RUNX2: variants seen among roughly 807,000 people sequenced by gnomAD.
RUNX2 encodes the protein runt-related transcription factor 2.
RUNX2 carries 10 observed loss-of-function variants against 51.7 expected under a neutral mutation model. That is an observed-to-expected ratio of 0.19 (90% confidence interval 0.12 to 0.33). The LOEUF is 0.33. Among genes scored for constraint, RUNX2 ranks in the 10% least tolerant of loss-of-function variants. RUNX2 has a pLI of 1.00. For missense variants in RUNX2, 562 were observed against 691.3 expected, an observed-to-expected ratio of 0.81 and a Z score of 2.10; for synonymous variants, 276 against 273.6, an observed-to-expected ratio of 1.01 and a Z score of -0.09.
At chr6:45,499,737 A>G (rs756667503) in intron 6 of RUNX2, among the ~76,000 whole-genome samples, 1 of 152,174 alleles carries the variant, frequency 6.6e-6, no homozygotes, top group Admixed American at 6.5e-5. Context: ...GTTAACACTT[A>G]GTTGTGATAA....
chr6:45,353,509 T>C (rs1002575757), intron 2 of RUNX2, among the ~76,000 whole-genome samples: 77 of 152,188 alleles, frequency 5.1e-4, no homozygotes, highest in Non-Finnish European at 1.1e-3. Flanking sequence ...AAAGGTAGTA[T>C]TTCAATTCTG....
chr6:45,519,760 T>C (rs928741665), intron 7 of RUNX2, among the ~76,000 whole-genome samples: 5 of 150,410 alleles, frequency 3.3e-5, no homozygotes, highest in Admixed American at 6.7e-5. Context: ...TTGCATTCCA[T>C]TGGAAGGATG....
chr6:45,431,221 C>G (rs12203052), intron 3 of RUNX2, among the ~76,000 whole-genome samples: 25,911 of 152,076 alleles, frequency 0.17, 2,727 homozygotes, highest in Non-Finnish European at 0.25. Flanking sequence ...TCTTATTTAT[C>G]ATCAATTATT....
intron 6 of RUNX2, among the ~76,000 whole-genome samples, chr6:45,510,307 A>C (rs1300322544): frequency 2.0e-5 from 3 of 152,238 alleles, no homozygotes; most frequent in African/African-American, 7.2e-5. Context: ...TTCAAATTGC[A>C]AACTCAGGTA....
intron 2 of RUNX2, among the ~76,000 whole-genome samples, chr6:45,335,736 G>A (rs1262233076): frequency 2.6e-5 from 4 of 151,136 alleles, no homozygotes; most frequent in African/African-American, 9.7e-5. Context: ...AAGACACCAT[G>A]AAGTAATCTA....
chr6:45,537,228 C>A (rs192704211), intron 7 of RUNX2, among the ~76,000 whole-genome samples: 6 of 152,172 alleles, frequency 3.9e-5, no homozygotes, highest in Non-Finnish European at 7.4e-5. Flanking sequence ...TGAGTGCATG[C>A]GTCTGCCTCC....
Position 45,328,781 on chromosome 6 carries a change from TG to T in RUNX2, c.58+1del. Reference protein sequence around the residue: ...TVTPCQQNFFWDPSTSRRFSP... With the variant: ...TVTPCQQNFFXDPSTSRRFSP... ...GACACCATGTCAGCAAAACTTCTTTTGGGGTAAGTGTTACCATTTTTAAAAT... is the reference window on the plus strand; with the variant it reads ...GACACCATGTCAGCAAAACTTCTTTTGGGTAAGTGTTACCATTTTTAAAAT... On this transcript the variant is annotated frameshift_variant and splice_region_variant, in exon 2 of 9. Coordinates refer to ENST00000647337, the MANE Select transcript of RUNX2 (RefSeq NM_001024630.4). LOFTEE classifies it high-confidence loss of function. 6.2e-7 allele frequency: 1 copy of T among 1,612,028 alleles called. No individual in the cohort carries two copies. The highest frequency in any genetic ancestry group is 8.5e-7 in the Non-Finnish European group (1 of 1,178,578).
chr6:45,527,658 A>G (rs903442304), intron 7 of RUNX2, among the ~76,000 whole-genome samples: 2 of 152,190 alleles, frequency 1.3e-5, no homozygotes, highest in Admixed American at 1.3e-4. Flanking sequence ...GAGTTACTTG[A>G]TTTATTAAAC....
At chr6:45,473,754 C>T (rs1379469850) in intron 5 of RUNX2, among the ~76,000 whole-genome samples, 1 of 152,156 alleles carries the variant, frequency 6.6e-6, no homozygotes, top group Non-Finnish European at 1.5e-5. Flanking sequence ...CTGTTAAAAC[C>T]ATATGGCACT....
intron 5 of RUNX2, among the ~76,000 whole-genome samples, chr6:45,447,330 G>A (rs1799031577): frequency 6.6e-6 from 1 of 152,180 alleles, no homozygotes; most frequent in African/African-American, 2.4e-5. Context: ...ACTCTTAAGA[G>A]TGCAAGATTT....
intron 5 of RUNX2, among the ~76,000 whole-genome samples, chr6:45,486,677 G>T (rs1325285411): frequency 1.3e-5 from 2 of 152,214 alleles, no homozygotes; most frequent in Admixed American, 6.5e-5. Flanking sequence ...TTTTGTAAGT[G>T]CATTTTGACA....
chr6:45,422,783 TGCG>T lies in RUNX2; in HGVS notation c.258_260del (p.Ala89del). ...CGGCGGCTGCGGCGGCGGCGGCGGCTGCGGCGGCGGCAGCTGCAGTGCCCCGGT... is the reference window on the plus strand; with the variant it reads ...CGGCGGCTGCGGCGGCGGCGGCGGCTGCGGCGGCAGCTGCAGTGCCCCGGT... On this transcript the variant is annotated inframe_deletion, in exon 3 of 9. Coordinates refer to ENST00000647337, the MANE Select transcript of RUNX2 (RefSeq NM_001024630.4). The T allele has an allele frequency of 1.4e-6, 2 of 1,429,582 alleles. No homozygotes were observed. Among genetic ancestry groups the T allele is most frequent in the Non-Finnish European group, 1.9e-6 (2 of 1,079,816 alleles). The allele number at this position is 1,429,582 out of a possible 1,614,324, so 88.6% of individuals were successfully genotyped here.
chr6:45,465,362 T>C (rs973300547), intron 5 of RUNX2, among the ~76,000 whole-genome samples: 2 of 152,154 alleles, frequency 1.3e-5, no homozygotes, highest in African/African-American at 4.8e-5. Flanking sequence ...GTTAATTATA[T>C]GATATTTTGA....
chr6:45,331,830 T>G (rs746689030), intron 2 of RUNX2, among the ~76,000 whole-genome samples: 4 of 152,134 alleles, frequency 2.6e-5, no homozygotes, highest in Admixed American at 6.6e-5. Context: ...TATTAATTTA[T>G]TCAATTACTC....
At chr6:45,520,977 A>G (rs1021641197) in intron 7 of RUNX2, among the ~76,000 whole-genome samples, 10 of 152,310 alleles carry the variant, frequency 6.6e-5, no homozygotes, top group African/African-American at 2.2e-4. Context: ...CGGCCTCCCA[A>G]AGTGCTGGGA....
intron 7 of RUNX2, among the ~76,000 whole-genome samples, chr6:45,517,702 GCTAAA>G (rs1414511153): frequency 6.6e-6 from 1 of 151,960 alleles, no homozygotes; most frequent in African/African-American, 2.4e-5. Flanking sequence ...ACTTTCGGTG[GCTAAA>G]CTATAATATT....
intron 2 of RUNX2, among the ~76,000 whole-genome samples, chr6:45,370,656 TA>T (rs1032327911): frequency 2.0e-5 from 3 of 151,986 alleles, no homozygotes; most frequent in African/African-American, 7.3e-5. Context: ...TAATGGGCAC[TA>T]AAAAAAATCT....
In RUNX2 at chr6:45,549,573, C is replaced by A; in HGVS notation, c.*2268C>A. On this transcript the variant is annotated 3_prime_UTR_variant, in exon 9 of 9. Coordinates refer to ENST00000647337, the MANE Select transcript of RUNX2 (RefSeq NM_001024630.4). ...TTGTGTGTGGTAGCTTGAAGCACACCACTGTCCATTTATTTGTAAGTGTAA... is the reference window on the plus strand; with the variant it reads ...TTGTGTGTGGTAGCTTGAAGCACACAACTGTCCATTTATTTGTAAGTGTAA... The A allele has an allele frequency of 2.5e-6, 1 of 393,544 alleles. No individual in the cohort carries two copies. Among genetic ancestry groups the A allele is most frequent in the Admixed American group, 4.4e-5 (1 of 22,572 alleles). 24.4% of individuals were successfully genotyped at this position (393,544 alleles called of 1,614,324 possible).
intron 2 of RUNX2, among the ~76,000 whole-genome samples, chr6:45,384,881 T>A (rs996569751): frequency 3.3e-5 from 5 of 151,892 alleles, no homozygotes; most frequent in Non-Finnish European, 7.4e-5. Flanking sequence ...TTTAAAAAAA[T>A]TTTATGGAGA....
Sources: allele counts gnomAD v4.1 joint callset (sites outside exome capture counted in the v4.1 genomes callset), GRCh38; gene constraint gnomAD v4.1.1; transcripts MANE v1.5; gene names NCBI Gene and HGNC (gene_info 2026-07-23, HGNC 2026-07-21).